CPNE4: variants seen among roughly 807,000 people sequenced by gnomAD.
The protein encoded by CPNE4 is copine-4.
CPNE4 carries 25 observed loss-of-function variants against 67.9 expected under a neutral mutation model. The observed-to-expected ratio is 0.37, with a 90% CI of 0.27 to 0.51. The LOEUF (loss-of-function observed/expected upper bound fraction) is 0.51, where lower values mean the gene tolerates loss of function less well. CPNE4 is among the 20% of genes least tolerant of loss of function. CPNE4 has a pLI of 0.93. For synonymous variants in CPNE4, 242 were observed against 244.9 expected, an observed-to-expected ratio of 0.99 and a Z score of 0.11; for missense variants, 464 against 690.8, an observed-to-expected ratio of 0.67 and a Z score of 3.68.
intron 1 of CPNE4, among the ~76,000 whole-genome samples, chr3:131,974,699 T>C (rs1005514031): frequency 1.3e-5 from 2 of 152,100 alleles, no homozygotes; most frequent in Non-Finnish European, 2.9e-5. Flanking sequence ...CTCAGACTGT[T>C]CAAAAGGGAT....
At chr3:131,948,017 C>T (rs1448894134) in intron 1 of CPNE4, among the ~76,000 whole-genome samples, 2 of 151,344 alleles carry the variant, frequency 1.3e-5, no homozygotes, top group Admixed American at 6.6e-5. Context: ...ACTCTGTGAA[C>T]ATGGGGTGTC....
rs150897540 is a variant in CPNE4 at position 131,575,157 on chromosome 3, G to A, written c.868-27C>T. On this transcript the variant is annotated intron_variant, in intron 9 of 15. Transcript: ENST00000429747. ...TGCATAGGAGGGGAGAGGAAACTGG[G>A]TTAATAACAGCACAGTCTATTTCCT... The A allele has an allele frequency of 7.8e-4, 1,239 of 1,591,380 alleles. 6 individuals carry two copies. In the African/African-American group the frequency reaches 0.014, roughly 18 times the overall value.
intron 13 of CPNE4, among the ~76,000 whole-genome samples, chr3:131,551,602 A>C (rs1313896229): frequency 6.6e-6 from 1 of 152,066 alleles, no homozygotes; most frequent in Non-Finnish European, 1.5e-5. Flanking sequence ...CTTGGAGGTT[A>C]CTGTGTTCAG....
At chr3:131,983,541 T>C (rs1443579810) in intron 1 of CPNE4, among the ~76,000 whole-genome samples, 3 of 152,190 alleles carry the variant, frequency 2.0e-5, no homozygotes, top group African/African-American at 7.2e-5. Flanking sequence ...ATTTACCTAG[T>C]TATAATTAGT....
intron 1 of CPNE4, among the ~76,000 whole-genome samples, chr3:132,027,557 A>T (rs993426746): frequency 3.9e-5 from 6 of 152,054 alleles, no homozygotes; most frequent in Non-Finnish European, 5.9e-5. Flanking sequence ...CAGGACGTAA[A>T]GGCCACCAAG....
chr3:131,778,454 AG>A (rs1186756433), intron 2 of CPNE4, among the ~76,000 whole-genome samples: 3 of 152,082 alleles, frequency 2.0e-5, no homozygotes, highest in African/African-American at 4.8e-5. Context: ...CTTTAACCTC[AG>A]CTTCCTCATC....
intron 7 of CPNE4, among the ~76,000 whole-genome samples, chr3:131,606,117 C>A (rs1181168688): frequency 6.6e-6 from 1 of 152,132 alleles, no homozygotes; most frequent in Non-Finnish European, 1.5e-5. Flanking sequence ...GCTTGAAGAC[C>A]AGAAAAGAAC....
At chr3:131,556,238 G>A (rs1192816364) in intron 11 of CPNE4, among the ~76,000 whole-genome samples, 3 of 151,994 alleles carry the variant, frequency 2.0e-5, no homozygotes, top group Non-Finnish European at 2.9e-5. Flanking sequence ...GCTGGGCATG[G>A]TGGTGCACTC....
At chr3:131,592,055 C>G (rs1297681809) in intron 7 of CPNE4, among the ~76,000 whole-genome samples, 1 of 152,166 alleles carries the variant, frequency 6.6e-6, no homozygotes, top group Non-Finnish European at 1.5e-5. Context: ...TAACCCCCTC[C>G]TTTTACAGAA....
chr3:132,011,528 G>T (rs1327786149), intron 1 of CPNE4, among the ~76,000 whole-genome samples: 1 of 152,172 alleles, frequency 6.6e-6, no homozygotes. Context: ...AAGAAATGAG[G>T]AGGCCCTAGT....
intron 2 of CPNE4, among the ~76,000 whole-genome samples, chr3:131,728,944 A>T (rs570172249): frequency 1.3e-5 from 2 of 151,164 alleles, no homozygotes; most frequent in African/African-American, 4.8e-5. Flanking sequence ...GTGCGGGGCA[A>T]TGTGTCATCA....
chr3:131,958,584 C>T (rs1217422434), intron 1 of CPNE4, among the ~76,000 whole-genome samples: 3 of 145,810 alleles, frequency 2.1e-5, no homozygotes, highest in African/African-American at 7.9e-5. Context: ...TGACCTTTGG[C>T]AATTGATACA....
chr3:131,634,671 C>T lies in CPNE4; in HGVS notation c.681+35004G>A, dbSNP rs145925474. ...CTCATTCTTGAGTCTGACAATATCT[C>T]ATAACTGGAAAGGAGATGAGAGGAT... On this transcript the variant is annotated intron_variant, in intron 7 of 15. Coordinates refer to ENST00000429747, the MANE Select transcript of CPNE4 (RefSeq NM_130808.3). Among the ~76,000 whole-genome samples, 89 of 152,206 alleles carry T rather than the reference C, an allele frequency of 5.8e-4. No individual in the cohort carries two copies. In the East Asian group the frequency reaches 8.3e-3, roughly 14 times the overall value.
In CPNE4 at chr3:131,966,852, A is replaced by G. The variant is rs190730827; in HGVS notation, c.-1-61408T>C. On this transcript the variant is annotated intron_variant, in intron 1 of 15. Transcript: ENST00000429747. ...CTGAAGCTATTCCAAACAATAGAGAAAGGACACCTCCCTAACTCATTTTAT... is the reference window on the plus strand; with the variant it reads ...CTGAAGCTATTCCAAACAATAGAGAGAGGACACCTCCCTAACTCATTTTAT... 5.3e-5 allele frequency among the ~76,000 whole-genome samples: 8 copies of G among 152,336 alleles called. No homozygotes were observed. In the East Asian group the frequency reaches 1.5e-3, roughly 29 times the overall value.
intron 2 of CPNE4, among the ~76,000 whole-genome samples, chr3:131,773,618 G>A (rs1849510): frequency 0.2 from 30,194 of 152,014 alleles, 3,673 homozygotes; most frequent in Non-Finnish European, 0.26. Flanking sequence ...AGAGTGCTGG[G>A]ATTACAAGCG....
chr3:131,946,723 T>C (rs144874830), intron 1 of CPNE4, among the ~76,000 whole-genome samples: 14 of 152,362 alleles, frequency 9.2e-5, no homozygotes, highest in African/African-American at 2.9e-4. Context: ...GTAAAGTTTT[T>C]AAATTTTGAT....
chr3:131,539,964 C>T (rs1034818084), intron 15 of CPNE4, among the ~76,000 whole-genome samples: 2 of 152,212 alleles, frequency 1.3e-5, no homozygotes, highest in Non-Finnish European at 2.9e-5. Flanking sequence ...GCTCATCCGT[C>T]TGTAAAGAAT....
At chr3:131,950,842 T>A (rs1330037194) in intron 1 of CPNE4, among the ~76,000 whole-genome samples, 1 of 152,244 alleles carries the variant, frequency 6.6e-6, no homozygotes, top group Non-Finnish European at 1.5e-5. Context: ...GGTATTACTA[T>A]TTTTAACATC....
chr3:131,931,250 A>C (rs16838123), intron 1 of CPNE4, among the ~76,000 whole-genome samples: 29,172 of 152,090 alleles, frequency 0.19, 3,061 homozygotes, highest in East Asian at 0.31. Flanking sequence ...GCATACAAAT[A>C]CTGCAAACAT....
Sources: gnomAD v4.1 joint callset for allele counts (sites outside exome capture counted in the v4.1 genomes callset) on GRCh38, gnomAD v4.1.1 for gene constraint, MANE v1.5 for transcripts, NCBI Gene and HGNC (gene_info 2026-07-23, HGNC 2026-07-21) for gene names.